ZBTB44: variants seen among roughly 807,000 people sequenced by gnomAD.
The protein encoded by ZBTB44 is zinc finger and BTB domain containing 44.
In ZBTB44, 15 loss-of-function variants were observed where a neutral mutation model predicts 54.0. That is an observed-to-expected ratio of 0.28 (90% CI 0.19 to 0.43). The LOEUF is 0.43. Among genes scored for constraint, ZBTB44 ranks in the 20% least tolerant of loss-of-function variants. The pLI is 1.00. For missense variants in ZBTB44, 487 were observed against 707.1 expected (o/e 0.69, Z 3.53); for synonymous variants, 230 against 250.1 (o/e 0.92, Z 0.76).
chr11:130,280,559 G>A (rs1940429179), intron 1 of ZBTB44, among the ~76,000 whole-genome samples: 1 of 152,160 alleles, frequency 6.6e-6, no homozygotes, highest in African/African-American at 2.4e-5. Flanking sequence ...AATTAGCAAA[G>A]ACATAACACC....
intron 6 of ZBTB44, chr11:130,233,683 A>C: frequency 8.0e-7 from 1 of 1,245,236 alleles, no homozygotes; most frequent in South Asian, 2.1e-5. Context: ...TCTCTAGCTA[A>C]TGATCTGTTG....
intron 2 of ZBTB44, among the ~76,000 whole-genome samples, chr11:130,252,308 C>A (rs1419140976): frequency 3.9e-5 from 6 of 152,254 alleles, no homozygotes; most frequent in African/African-American, 1.4e-4. Flanking sequence ...GAGACTTAGA[C>A]CCCCACACAA....
At chr11:130,296,331 G>A (rs879554716) in intron 1 of ZBTB44, 31 of 1,518,656 alleles carry the variant, frequency 2.0e-5, no homozygotes, top group Non-Finnish European at 2.8e-5. Flanking sequence ...AAAGAAGCTC[G>A]TGGTCTTCTT....
chr11:130,267,753 A>T (rs1473051280), intron 1 of ZBTB44, among the ~76,000 whole-genome samples: 1 of 152,136 alleles, frequency 6.6e-6, no homozygotes, highest in African/African-American at 2.4e-5. Flanking sequence ...ATCAAACAGC[A>T]TCACATCCTG....
chr11:130,253,632 T>C (rs1938203990), intron 2 of ZBTB44, among the ~76,000 whole-genome samples: 1 of 152,088 alleles, frequency 6.6e-6, no homozygotes, highest in Admixed American at 6.5e-5. Context: ...ATCGTGAAAA[T>C]GGCCATACTG....
At chr11:130,289,286 T>A (rs1168041574) in intron 1 of ZBTB44, among the ~76,000 whole-genome samples, 2 of 151,858 alleles carry the variant, frequency 1.3e-5, no homozygotes, top group African/African-American at 2.4e-5. Context: ...AGTTCAAGAC[T>A]AGCCTGGCCA....
At chr11:130,276,626 G>A (rs1286432972) in intron 1 of ZBTB44, among the ~76,000 whole-genome samples, 1 of 151,730 alleles carries the variant, frequency 6.6e-6, no homozygotes, top group East Asian at 1.9e-4. Flanking sequence ...GTAGAGATAG[G>A]GTTTTACCAT....
intron 4 of ZBTB44, 96 bp downstream of exon 4, chr11:130,238,347 TA>T (rs1040903907): frequency 7.3e-7 from 1 of 1,371,654 alleles, no homozygotes; most frequent in African/African-American, 1.5e-5. Flanking sequence ...GAGTTTTTTT[TA>T]AAACTCAGAA....
intron 5 of ZBTB44, among the ~76,000 whole-genome samples, chr11:130,235,133 T>C (rs1954051527): frequency 6.6e-6 from 1 of 152,236 alleles, no homozygotes; most frequent in Non-Finnish European, 1.5e-5. Context: ...TTGTCAATAA[T>C]ATATGTACTT....
chr11:130,264,700 T>C (rs534181538), intron 1 of ZBTB44, among the ~76,000 whole-genome samples: 3 of 152,370 alleles, frequency 2.0e-5, no homozygotes, highest in Admixed American at 2.0e-4. Flanking sequence ...TCCCAATATG[T>C]CTGCAGAAAC....
intron 1 of ZBTB44, among the ~76,000 whole-genome samples, chr11:130,307,089 T>C (rs896031433): frequency 4.0e-4 from 59 of 146,072 alleles, no homozygotes; most frequent in Non-Finnish European, 7.1e-4. Context: ...AAAAAAATTA[T>C]AGTTGAATAC....
intron 1 of ZBTB44, among the ~76,000 whole-genome samples, chr11:130,308,270 C>T (rs1462310344): frequency 6.6e-6 from 1 of 152,204 alleles, no homozygotes; most frequent in Non-Finnish European, 1.5e-5. Flanking sequence ...ACGCATTTCT[C>T]AGAACATATC....
chr11:130,284,929 C>T (rs954685428), intron 1 of ZBTB44: 4 of 152,126 alleles, frequency 2.6e-5, no homozygotes, highest in Admixed American at 6.5e-5. Context: ...ACCTGGGGGC[C>T]AATCTCTCTA....
chr11:130,233,470 C>T lies in ZBTB44; in HGVS notation c.1687-88G>A, dbSNP rs191488570. 27 of 1,522,830 alleles carry T rather than the reference C, an allele frequency of 1.8e-5. No individual in the cohort carries two copies. The East Asian group carries it at 2.0e-4, about 11-fold the overall frequency. The allele number at this position is 1,522,830 out of a possible 1,614,324, so 94.3% of individuals were successfully genotyped here. A position where few individuals can be genotyped will look rare whatever the true frequency, so the allele number is the denominator to read the frequency against. ...AAATGACAAAGCTTAAAGAAAAGTA[C>T]GCCGGATTTCAGAAGTATTTACCAT... is the stretch of plus-strand genomic sequence containing the variant. On this transcript the variant is annotated intron_variant, in intron 6 of 7. Coordinates refer to ENST00000357899, the MANE Select transcript of ZBTB44 (RefSeq NM_001301098.2).
At chr11:130,308,331 T>C (rs1351998991) in intron 1 of ZBTB44, among the ~76,000 whole-genome samples, 1 of 152,240 alleles carries the variant, frequency 6.6e-6, no homozygotes, top group Admixed American at 6.5e-5. Flanking sequence ...AGTTCCGTAT[T>C]CATGGTGACT....
At chr11:130,265,444 C>T (rs1260203757) in intron 1 of ZBTB44, among the ~76,000 whole-genome samples, 2 of 152,056 alleles carry the variant, frequency 1.3e-5, no homozygotes, top group Non-Finnish European at 2.9e-5. Flanking sequence ...AGCCTGGTCT[C>T]GAACTCCTGA....
chr11:130,272,158 G>C (rs889367041), intron 1 of ZBTB44, among the ~76,000 whole-genome samples: 1 of 152,012 alleles, frequency 6.6e-6, no homozygotes, highest in Admixed American at 6.6e-5. Flanking sequence ...CTTGAATCTG[G>C]GAGGCGGAGG....
chr11:130,281,475 G>A (rs1940493049), intron 1 of ZBTB44, among the ~76,000 whole-genome samples: 1 of 151,530 alleles, frequency 6.6e-6, no homozygotes, highest in Admixed American at 6.6e-5. Context: ...AGCTGTGATT[G>A]TGCTACTGCA....
chr11:130,256,092 G>A (rs1938425197), intron 2 of ZBTB44, among the ~76,000 whole-genome samples: 1 of 152,038 alleles, frequency 6.6e-6, no homozygotes, highest in Non-Finnish European at 1.5e-5. Context: ...CTCATTTTAT[G>A]AGGTCAGCAA....
Sources: gnomAD v4.1 joint callset for allele counts (sites outside exome capture counted in the v4.1 genomes callset) on GRCh38, gnomAD v4.1.1 for gene constraint, MANE v1.5 for transcripts, NCBI Gene and HGNC (gene_info 2026-07-23, HGNC 2026-07-21) for gene names.